Variants in MN1 observed in about 807,000 individuals in gnomAD.
MN1 encodes transcriptional activator MN1.
In MN1, 19 loss-of-function variants were observed where a neutral mutation model predicts 86.9. The observed-to-expected ratio is 0.22, with a 90% confidence interval of 0.15 to 0.32. The LOEUF is 0.32. Ranked by LOEUF, MN1 falls within the 10% of genes least tolerant of loss-of-function variation. The pLI, the probability that MN1 is intolerant of heterozygous loss-of-function variation, is 1.00. For missense variants in MN1, 1,841 were observed against 1,862.0 expected (o/e 0.99, Z 0.21); for synonymous variants, 928 against 849.6 (o/e 1.09, Z -1.60).
At chr22:27,783,164 T>C (rs1933077631) in intron 1 of MN1, among the ~76,000 whole-genome samples, 1 of 151,296 alleles carries the variant, frequency 6.6e-6, no homozygotes, top group Non-Finnish European at 1.5e-5. Context: ...AGACAGAGTC[T>C]TGCTCTGTTG....
rs1268602887 is a variant in MN1, at chr22:27,797,125, C to T, written c.3419G>A (p.Ser1140Asn). The T allele has an allele frequency of 1.3e-6, 2 of 1,584,206 alleles. No homozygotes were observed. Among genetic ancestry groups the T allele is most frequent in the Non-Finnish European group, 8.6e-7 (1 of 1,166,998 alleles). The stretch of plus-strand genomic sequence containing the variant: ...GTCGGGTGGCGGGGCGCCGCTGCTG[C>T]TCGTCGGGGTGCGGACCTGCTCCAG... Reference protein sequence around the residue: ...PGLEQVRTPTSSSGAPPPDEI... With the variant: ...PGLEQVRTPTNSSGAPPPDEI... Residue 1140 changes from serine to asparagine, a missense_variant, in exon 1 of 2, where the codon AGC (serine) becomes AAC (asparagine). Transcript: ENST00000302326.
At chr22:27,795,101 A>G (rs1288711695) in intron 1 of MN1, among the ~76,000 whole-genome samples, 1 of 152,082 alleles carries the variant, frequency 6.6e-6, no homozygotes, top group Non-Finnish European at 1.5e-5. Flanking sequence ...AGGGTCCCAA[A>G]CTAACCAATT....
Position 27,799,220 on chromosome 22 carries a change from G to C in MN1, c.1324C>G (p.Leu442Val). ...TAGGGGGGCGCGTCGAAATGCTGCA[G>C]CCGCTGGTTGGGCGCCTGCTGCGGA... ...PPPQQAPNQR[L>V]QHFDAPPYMN... is the part of the protein sequence containing the mutation. Residue 442 changes from leucine (L) to valine (V), a missense_variant, in exon 1 of 2, where the codon CTG becomes GTG. Coordinates refer to ENST00000302326, the MANE Select transcript of MN1 (RefSeq NM_002430.3). 1 of 1,599,584 alleles carries C rather than the reference G, an allele frequency of 6.3e-7. No individual in the cohort carries two copies. The highest frequency in any genetic ancestry group is 8.5e-7 in the Non-Finnish European group (1 of 1,171,078).
At position 27,797,400 on chromosome 22, in the gene MN1, C is replaced by T. The variant is rs752004079; in HGVS notation, c.3144G>A (p.Glu1048=). 6.2e-7 allele frequency: 1 copy of T among 1,612,040 alleles called. No individual in the cohort carries two copies. The highest frequency in any genetic ancestry group is 8.5e-7 in the Non-Finnish European group (1 of 1,179,840). ...SPNVGEFASD[E]VSTSYANEDE... ...CCTCATTGGCGTAGCTCGTGCTCAC[C>T]TCGTCCGAGGCGAACTCACCCACGT... is the stretch of plus-strand genomic sequence containing the variant. The change falls in exon 1 of 2, where the codon GAG becomes GAA. Residue 1048 remains glutamate (E), a synonymous_variant. Coordinates refer to ENST00000302326, the MANE Select transcript of MN1 (RefSeq NM_002430.3).
rs1040925583 is a variant in MN1, at chr22:27,801,471, C to G, written c.-928G>C. The G allele has an allele frequency of 6.5e-5, 13 of 200,092 alleles. No homozygotes were observed. Among genetic ancestry groups the G allele is most frequent in the Admixed American group, 6.0e-5 (1 of 16,546 alleles). 12.4% of individuals were successfully genotyped at this position (200,092 alleles called of 1,614,324 possible). On this transcript the variant is annotated 5_prime_UTR_variant, in exon 1 of 2. Transcript: ENST00000302326. ...CAGCGAGACGAGGGGTTGGGTCGCT[C>G]CAAGGCTCCGGTTCCCTGCCTCCGC...
chr22:27,771,959 G>C (rs1051607485), intron 1 of MN1, among the ~76,000 whole-genome samples: 1 of 152,174 alleles, frequency 6.6e-6, no homozygotes, highest in Non-Finnish European at 1.5e-5. Flanking sequence ...TCAATTATTG[G>C]AATCTTCCAG....
Position 27,797,803 on chromosome 22 carries a change from T to A in MN1, c.2741A>T (p.Asp914Val). The A allele has an allele frequency of 6.3e-7, 1 of 1,591,662 alleles. No homozygotes were observed. The highest frequency in any genetic ancestry group is 8.5e-7 in the Non-Finnish European group (1 of 1,171,094). Residue 914 changes from aspartate (D) to valine (V), a missense_variant, in exon 1 of 2, where the codon GAC becomes GTC. By Grantham distance (152) the Asp-to-Val change is radical. Transcript: ENST00000302326. The part of the protein sequence containing the change: ...SGPPNPPAQG[D>V]GTSLSPNYTL... ...GTAGTTGGGGGAGAGGCTGGTGCCG[T>A]CCCCCTGGGCTGGAGGGTTGGGCGG... is the stretch of plus-strand genomic sequence containing the variant.
rs746849682 is a variant in MN1, at chr22:27,798,578, A to C, written c.1966T>G (p.Cys656Gly). ...RMGGSGLPADCGPHDPSLAPP... is the reference protein window; with the variant it reads ...RMGGSGLPADGGPHDPSLAPP... ...GCCAGGCTGGGGTCGTGCGGGCCACAGTCAGCGGGCAGACCCGAGCCGCCC... is the reference window on the plus strand; with the variant it reads ...GCCAGGCTGGGGTCGTGCGGGCCACCGTCAGCGGGCAGACCCGAGCCGCCC... The change falls in exon 1 of 2, where the codon TGT (cysteine) becomes GGT (glycine). Residue 656 changes from cysteine to glycine, a missense_variant. By Grantham distance (159) the Cys-to-Gly change is radical. Coordinates refer to ENST00000302326, the MANE Select transcript of MN1 (RefSeq NM_002430.3). 3 of 1,541,290 alleles carry C rather than the reference A, an allele frequency of 1.9e-6. No individual in the cohort carries two copies. Among genetic ancestry groups the C allele is most frequent in the South Asian group, 1.2e-5 (1 of 82,456 alleles).
In MN1 at chr22:27,796,968, C is replaced by A. The variant is rs752393215; in HGVS notation, c.3576G>T (p.Ala1192=). The A allele has an allele frequency of 6.2e-7, 1 of 1,612,232 alleles. No homozygotes were observed. Among genetic ancestry groups the A allele is most frequent in the Middle Eastern group, 1.7e-4 (1 of 6,060 alleles). The stretch of plus-strand genomic sequence containing the variant: ...TGCCCAGCTCGCTGTCGCCATTCTG[C>A]GCCCCTGAGGCCCCGACGGCGCACT... ...KGECAVGASG[A]QNGDSELGSC... Residue 1192 remains alanine, a synonymous_variant, in exon 1 of 2, where the codon GCG becomes GCT. Transcript: ENST00000302326.
chr22:27,762,927 T>C (rs1370247550), intron 1 of MN1, among the ~76,000 whole-genome samples: 2 of 151,984 alleles, frequency 1.3e-5, no homozygotes, highest in South Asian at 2.1e-4. Flanking sequence ...AACAGGACGC[T>C]GTCTCAAAAA....
At chr22:27,761,881 G>GGGCTCCACA (rs1932837561) in intron 1 of MN1, among the ~76,000 whole-genome samples, 1 of 152,240 alleles carries the variant, frequency 6.6e-6, no homozygotes, top group Admixed American at 6.5e-5. Context: ...AACTGGCCGA[G>GGGCTCCACA]GGCTCCACAG....
Position 27,799,494 on chromosome 22 carries a change from C to T in MN1, c.1050G>A (p.Gln350=). 1 of 1,453,108 alleles carries T rather than the reference C, an allele frequency of 6.9e-7. No homozygotes were observed. Among genetic ancestry groups the T allele is most frequent in the South Asian group, 1.5e-5 (1 of 68,038 alleles). 90.0% of individuals were successfully genotyped at this position (1,453,108 alleles called of 1,614,324 possible). A position where few individuals can be genotyped will look rare whatever the true frequency, so the allele number is the denominator to read the frequency against. The change falls in exon 1 of 2, where the codon CAG becomes CAA. Residue 350 remains glutamine (Q), a synonymous_variant. Transcript: ENST00000302326. ...PPQQAPPPPQ[Q]QPPQQPPQQQ... ...GCTGTGGCGGCTGCTGCGGGGGCTG[C>T]TGCTGAGGGGGTGGCGGGGCCTGCT...
intron 1 of MN1, among the ~76,000 whole-genome samples, chr22:27,755,196 C>G (rs1266622383): frequency 3.3e-5 from 5 of 152,196 alleles, no homozygotes; most frequent in Non-Finnish European, 7.3e-5. Context: ...ATCTGGGCAG[C>G]TCCTGTCTGC....
chr22:27,750,829 A>G lies in MN1; in HGVS notation c.*86T>C. 1 of 1,243,692 alleles carries G rather than the reference A, an allele frequency of 8.0e-7. No individual in the cohort carries two copies. The highest frequency in any genetic ancestry group is 1.1e-6 in the Non-Finnish European group (1 of 914,578). The allele number at this position is 1,243,692 out of a possible 1,614,324, so 77.0% of individuals were successfully genotyped here. A position where few individuals can be genotyped will look rare whatever the true frequency, so the allele number is the denominator to read the frequency against. On this transcript the variant is annotated 3_prime_UTR_variant, in exon 2 of 2. Coordinates refer to ENST00000302326, the MANE Select transcript of MN1 (RefSeq NM_002430.3). ...CAGCAATAGTGGCCCTTTCAAATTAACAGAGGGGTGGGGTAAGGTTGAGGG... is the reference window on the plus strand; with the variant it reads ...CAGCAATAGTGGCCCTTTCAAATTAGCAGAGGGGTGGGGTAAGGTTGAGGG...
At position 27,751,051 on chromosome 22, in the gene MN1, C is replaced by T. The variant is rs748318663; in HGVS notation, c.3827G>A (p.Ser1276Asn). Residue 1276 changes from serine (S) to asparagine (N), a missense_variant, in exon 2 of 2, where the codon AGC becomes AAC. Physicochemically the swap from Ser to Asn is conservative, Grantham distance 46 (BLOSUM62 1). Transcript: ENST00000302326. ...GTGGACAGACAGGCACTGCAAGTGG[C>T]TGCCAGGCTGGGATGCTGAGGCCTT... ...ANKASASQPG[S>N]HLQCLSVHCT... The T allele has an allele frequency of 1.9e-6, 3 of 1,598,334 alleles. No individual in the cohort carries two copies. The East Asian group carries it at 6.8e-5, about 36-fold the overall frequency.
At chr22:27,761,030 T>G (rs1026177065) in intron 1 of MN1, among the ~76,000 whole-genome samples, 1 of 152,150 alleles carries the variant, frequency 6.6e-6, no homozygotes, top group African/African-American at 2.4e-5. Flanking sequence ...CAGCCAGCCA[T>G]CCGCAGAGCC....
intron 1 of MN1, 55 bp from the exon 2 acceptor site, chr22:27,751,151 A>AC (rs1338784159): frequency 6.8e-7 from 1 of 1,460,236 alleles, no homozygotes; most frequent in African/African-American, 1.4e-5. Context: ...TCTGAGGGAC[A>AC]CCATAATGGG....
In MN1 at chr22:27,800,970, C is replaced by T. The variant is rs1451604177; in HGVS notation, c.-427G>A. The T allele has an allele frequency of 3.2e-6, 1 of 309,378 alleles. No individual in the cohort carries two copies. Among genetic ancestry groups the T allele is most frequent in the Non-Finnish European group, 6.1e-6 (1 of 164,954 alleles). 19.2% of individuals were successfully genotyped at this position (309,378 alleles called of 1,614,324 possible). On this transcript the variant is annotated 5_prime_UTR_variant, in exon 1 of 2. Transcript: ENST00000302326. ...GTCCGATTGGGTCTGCTGGGGAGCC[C>T]TCAGGACGCCGCCCGCAGCCTCCCG...
intron 1 of MN1, among the ~76,000 whole-genome samples, chr22:27,770,538 A>G (rs1932905568): frequency 6.6e-6 from 1 of 152,208 alleles, no homozygotes; most frequent in Admixed American, 6.5e-5. Context: ...GTCTCCCTGC[A>G]ATGGAAGTAA....
Sources: allele counts gnomAD v4.1 joint callset (sites outside exome capture counted in the v4.1 genomes callset), GRCh38; gene constraint gnomAD v4.1.1; transcripts MANE v1.5; gene names NCBI Gene and HGNC (gene_info 2026-07-23, HGNC 2026-07-21).